PRKG1: variants seen among roughly 807,000 people sequenced by gnomAD.
PRKG1 encodes protein kinase cGMP-dependent 1, also known as cGMP-dependent protein kinase 1.
A neutral mutation model predicts 88.1 loss-of-function variants in PRKG1; 35 were observed. The ratio of observed to expected loss-of-function variants is 0.40; its 90% confidence interval spans 0.30 to 0.53. The LOEUF is 0.53. Among genes scored for constraint, PRKG1 ranks in the 20% least tolerant of loss-of-function variants. PRKG1 has a pLI of 0.59. For synonymous variants in PRKG1, 303 were observed against 292.5 expected (o/e 1.04, Z -0.37); for missense variants, 540 against 839.8 (o/e 0.64, Z 4.41).
At chr10:51,583,699 T>A (rs1377285134) in intron 3 of PRKG1, among the ~76,000 whole-genome samples, 1 of 152,062 alleles carries the variant, frequency 6.6e-6, no homozygotes, top group Non-Finnish European at 1.5e-5. Context: ...TTGAAATAAT[T>A]ACTGGAAAAG....
At chr10:51,537,917 G>A (rs1176343723) in intron 3 of PRKG1, among the ~76,000 whole-genome samples, 1 of 152,102 alleles carries the variant, frequency 6.6e-6, no homozygotes, top group African/African-American at 2.4e-5. Flanking sequence ...AGCTCCATGA[G>A]TGTCTCACAT....
At position 51,074,771 on chromosome 10, in the gene PRKG1, C is replaced by T; in HGVS notation, c.181C>T (p.Gln61Ter). ...GATCCGACCAGCCACCCAGCAGGCGCAGAAGCAGAGCGCGAGCACCTTGCA... is the reference window on the plus strand; with the variant it reads ...GATCCGACCAGCCACCCAGCAGGCGTAGAAGCAGAGCGCGAGCACCTTGCA... The part of the protein sequence containing the change: ...SVIRPATQQA[Q>*]KQSASTLQGE... The change falls in exon 1 of 18, where the codon CAG (glutamine) becomes TAG (stop). Residue 61 changes from glutamine (Q) to a stop codon, truncating the protein, a stop_gained. Transcript: ENST00000373980. LOFTEE classifies it high-confidence loss of function. The T allele has an allele frequency of 6.2e-7, 1 of 1,614,056 alleles. No homozygotes were observed. Among genetic ancestry groups the T allele is most frequent in the Non-Finnish European group, 8.5e-7 (1 of 1,179,964 alleles).
intron 3 of PRKG1, among the ~76,000 whole-genome samples, chr10:51,517,586 C>A (rs566565303): frequency 3.0e-4 from 45 of 152,330 alleles, no homozygotes; most frequent in African/African-American, 9.4e-4. Context: ...TTTCCATCTT[C>A]TTCTGTCTTC....
intron 2 of PRKG1, among the ~76,000 whole-genome samples, chr10:51,406,479 G>T (rs982121774): frequency 6.6e-6 from 1 of 152,178 alleles, no homozygotes; most frequent in African/African-American, 2.4e-5. Context: ...CTGGGGGCCT[G>T]CTGCAAATGG....
chr10:51,943,860 AT>A (rs1842964665), intron 5 of PRKG1, among the ~76,000 whole-genome samples: 1 of 151,886 alleles, frequency 6.6e-6, no homozygotes, highest in South Asian at 2.1e-4. Flanking sequence ...GTTTGCCAGT[AT>A]TTTATTGAGG....
At chr10:52,025,560 C>T (rs901781705) in intron 5 of PRKG1, among the ~76,000 whole-genome samples, 3 of 152,094 alleles carry the variant, frequency 2.0e-5, no homozygotes, top group African/African-American at 7.2e-5. Context: ...GCCAGTTTTC[C>T]CAGCACCATT....
chr10:51,439,541 A>AC (rs1200605533), intron 2 of PRKG1, among the ~76,000 whole-genome samples: 2 of 151,756 alleles, frequency 1.3e-5, no homozygotes, highest in African/African-American at 4.8e-5. Flanking sequence ...CCACCTAAAA[A>AC]CCTCAGCTTG....
chr10:51,946,897 CTCAGGGG>C (rs1843051271), intron 5 of PRKG1, among the ~76,000 whole-genome samples: 1 of 152,064 alleles, frequency 6.6e-6, no homozygotes, highest in African/African-American at 2.4e-5. Context: ...AGTTAGGCTG[CTCAGGGG>C]TCAGGGGTCA....
chr10:51,840,312 C>A (rs781005235), intron 4 of PRKG1, among the ~76,000 whole-genome samples: 12 of 151,842 alleles, frequency 7.9e-5, no homozygotes, highest in Non-Finnish European at 1.6e-4. Context: ...TCTTGCTTAG[C>A]TAACATTTCA....
intron 5 of PRKG1, among the ~76,000 whole-genome samples, chr10:52,032,775 C>G (rs969527760): frequency 6.6e-6 from 1 of 152,082 alleles, no homozygotes; most frequent in East Asian, 1.9e-4. Context: ...ACAGTAACCA[C>G]GTTCTAAAAA....
chr10:52,015,989 A>T (rs983856282), intron 5 of PRKG1, among the ~76,000 whole-genome samples: 2 of 152,244 alleles, frequency 1.3e-5, no homozygotes, highest in Admixed American at 1.3e-4. Context: ...GGTCAAAACC[A>T]TTAAACAAAT....
chr10:51,973,283 T>C (rs967724441), intron 5 of PRKG1, among the ~76,000 whole-genome samples: 5 of 152,156 alleles, frequency 3.3e-5, no homozygotes, highest in African/African-American at 1.2e-4. Context: ...TACTCAGCAG[T>C]CTGTTTTATG....
chr10:51,493,377 T>C (rs1305105793), intron 3 of PRKG1, among the ~76,000 whole-genome samples: 1 of 152,214 alleles, frequency 6.6e-6, no homozygotes, highest in Admixed American at 6.5e-5. Flanking sequence ...TTGTTTGTAA[T>C]TGCCTTTTGG....
At chr10:51,189,886 T>C (rs1012807674) in intron 2 of PRKG1, among the ~76,000 whole-genome samples, 6 of 151,948 alleles carry the variant, frequency 3.9e-5, no homozygotes, top group Non-Finnish European at 8.8e-5. Context: ...AAGGGTGGCC[T>C]ACTGTGCCCA....
intron 10 of PRKG1, among the ~76,000 whole-genome samples, chr10:52,269,011 A>G (rs543038603): frequency 2.0e-5 from 3 of 152,078 alleles, no homozygotes; most frequent in African/African-American, 7.2e-5. Context: ...ATTCAAGTCC[A>G]GACCTGTGAC....
At chr10:52,239,621 A>T (rs1484077990) in intron 9 of PRKG1, among the ~76,000 whole-genome samples, 1 of 151,740 alleles carries the variant, frequency 6.6e-6, no homozygotes, top group Non-Finnish European at 1.5e-5. Flanking sequence ...CAATTAAAAA[A>T]TGGGGAAAAT....
intron 3 of PRKG1, among the ~76,000 whole-genome samples, chr10:51,504,919 A>G (rs1841149814): frequency 6.6e-6 from 1 of 152,030 alleles, no homozygotes; most frequent in Non-Finnish European, 1.5e-5. Flanking sequence ...ATCTGCAAAC[A>G]GGGACAATTT....
At chr10:52,239,170 G>T (rs1256828555) in intron 9 of PRKG1, among the ~76,000 whole-genome samples, 3 of 96,600 alleles carry the variant, frequency 3.1e-5, no homozygotes, top group Non-Finnish European at 6.0e-5. Flanking sequence ...GGGGACTGTG[G>T]TGGGGTGGGG....
chr10:51,125,353 A>G (rs1041786985), intron 1 of PRKG1, among the ~76,000 whole-genome samples: 1 of 151,010 alleles, frequency 6.6e-6, no homozygotes, highest in African/African-American at 2.4e-5. Context: ...AAATTATATA[A>G]ATTTATTTAA....
Sources: allele counts gnomAD v4.1 joint callset (sites outside exome capture counted in the v4.1 genomes callset), GRCh38; gene constraint gnomAD v4.1.1; transcripts MANE v1.5; gene names NCBI Gene and HGNC (gene_info 2026-07-23, HGNC 2026-07-21).